FAM227B: variants seen among roughly 807,000 people sequenced by gnomAD.
FAM227B encodes protein FAM227B.
FAM227B carries 88 observed loss-of-function variants against 73.8 expected under a neutral mutation model. That is an observed-to-expected ratio of 1.19 (90% CI 1.00 to 1.42). The LOEUF (loss-of-function observed/expected upper bound fraction) is 1.42. Among genes scored for constraint, FAM227B ranks in the 40% most tolerant of loss-of-function variants. The probability of loss-of-function intolerance (pLI) is 0.00; values close to 1 mark genes in which losing one functional copy is unlikely to be tolerated. For missense variants in FAM227B, 632 were observed against 590.9 expected, an observed-to-expected ratio of 1.07 and a Z score of -0.72; for synonymous variants, 210 against 190.5, an observed-to-expected ratio of 1.10 and a Z score of -0.84.
At chr15:49,465,971 G>A (rs1268350417) in intron 11 of FAM227B, among the ~76,000 whole-genome samples, 4 of 152,176 alleles carry the variant, frequency 2.6e-5, no homozygotes, top group East Asian at 1.9e-4. Flanking sequence ...TGAAGCATAA[G>A]ATAGTCTCTT....
At chr15:49,397,112 G>A (rs902711318) in intron 11 of FAM227B, among the ~76,000 whole-genome samples, 3 of 152,108 alleles carry the variant, frequency 2.0e-5, no homozygotes, top group Non-Finnish European at 4.4e-5. Context: ...AAATTTAGAA[G>A]AATGTATAAT....
At chr15:49,617,248 C>G (rs2078347480) in intron 1 of FAM227B, among the ~76,000 whole-genome samples, 1 of 151,992 alleles carries the variant, frequency 6.6e-6, no homozygotes, top group Non-Finnish European at 1.5e-5. Context: ...GAAATCCAAA[C>G]AAGTGACTAA....
At chr15:49,395,949 G>A (rs1360308769) in intron 11 of FAM227B, 4 of 455,894 alleles carry the variant, frequency 8.8e-6, no homozygotes, top group African/African-American at 4.0e-5. Context: ...AAGAACAGAG[G>A]AGAACAAAAT....
rs575411840 is a variant in FAM227B at position 49,585,813 on chromosome 15, G to C, written c.405+2203C>G. Reference sequence around the variant, plus strand: ...CATATGTAACTAACCTGCACATTGTGCACATGTACCCTAAAACTTAAAGTA... The same window carrying C: ...CATATGTAACTAACCTGCACATTGTCCACATGTACCCTAAAACTTAAAGTA... On this transcript the variant is annotated intron_variant, in intron 5 of 15. Transcript: ENST00000299338. Among the ~76,000 whole-genome samples the C allele has an allele frequency of 2.0e-5, 3 of 152,098 alleles. No individual in the cohort carries two copies. In the South Asian group the frequency reaches 6.2e-4, roughly 32 times the overall value.
intron 11 of FAM227B, among the ~76,000 whole-genome samples, chr15:49,427,976 G>A (rs918124169): frequency 2.6e-5 from 4 of 152,088 alleles, no homozygotes; most frequent in East Asian, 1.9e-4. Flanking sequence ...CTTAATTACT[G>A]TGTTGTTTTG....
At chr15:49,376,056 C>T (rs1383507875) in intron 11 of FAM227B, among the ~76,000 whole-genome samples, 3 of 151,828 alleles carry the variant, frequency 2.0e-5, no homozygotes, top group Non-Finnish European at 2.9e-5. Flanking sequence ...ACCATGTTTC[C>T]ACAGTTCCAT....
intron 11 of FAM227B, among the ~76,000 whole-genome samples, chr15:49,413,008 C>T (rs780456902): frequency 6.6e-6 from 1 of 152,056 alleles, no homozygotes; most frequent in Non-Finnish European, 1.5e-5. Flanking sequence ...TCCCAGTCTC[C>T]CTTAGCTCAG....
intron 11 of FAM227B, among the ~76,000 whole-genome samples, chr15:49,396,821 G>T (rs1330769142): frequency 3.3e-5 from 5 of 151,550 alleles, no homozygotes; most frequent in Non-Finnish European, 5.9e-5. Flanking sequence ...AAACAGAAAG[G>T]ACATCCACAC....
chr15:49,600,779 A>G (rs763985639), intron 3 of FAM227B, among the ~76,000 whole-genome samples: 3 of 151,990 alleles, frequency 2.0e-5, no homozygotes, highest in Non-Finnish European at 4.4e-5. Flanking sequence ...GTGGTGGCTC[A>G]CACTTATAAT....
At chr15:49,541,236 C>G (rs916662904) in intron 10 of FAM227B, among the ~76,000 whole-genome samples, 1 of 151,982 alleles carries the variant, frequency 6.6e-6, no homozygotes, top group Non-Finnish European at 1.5e-5. Flanking sequence ...TCAATCCTAC[C>G]ATTTTCACCT....
At chr15:49,456,819 G>A (rs1240355634) in intron 11 of FAM227B, among the ~76,000 whole-genome samples, 2 of 152,104 alleles carry the variant, frequency 1.3e-5, no homozygotes, top group African/African-American at 4.8e-5. Flanking sequence ...ACAGAGTTGT[G>A]AGAATCAGTG....
rs147245749 is a variant in FAM227B, at chr15:49,346,167, G to A, written c.1272-10671C>T. Among the ~76,000 whole-genome samples, 145 of 151,486 alleles carry A rather than the reference G, an allele frequency of 9.6e-4. 1 individual carries two copies. In the East Asian group the frequency reaches 0.015, roughly 16 times the overall value. The stretch of plus-strand genomic sequence containing the variant: ...CATAGTTCACCAAAACAACACTTCC[G>A]TTGTTTTTCAGAAACTTGGGCCAGC... On this transcript the variant is annotated intron_variant, in intron 13 of 15. Transcript: ENST00000299338.
intron 11 of FAM227B, among the ~76,000 whole-genome samples, chr15:49,503,429 T>G (rs1276442900): frequency 6.6e-6 from 1 of 152,014 alleles, no homozygotes; most frequent in Admixed American, 6.5e-5. Flanking sequence ...ACAATTGAGA[T>G]CTAATTAAAC....
intron 3 of FAM227B, among the ~76,000 whole-genome samples, chr15:49,606,509 T>C (rs1301187548): frequency 6.6e-6 from 1 of 152,248 alleles, no homozygotes; most frequent in African/African-American, 2.4e-5. Flanking sequence ...TTCATACTAC[T>C]TGGGCTCTAA....
chr15:49,387,585 A>G (rs2046961697), intron 11 of FAM227B, among the ~76,000 whole-genome samples: 1 of 151,798 alleles, frequency 6.6e-6, no homozygotes, highest in Admixed American at 6.6e-5. Flanking sequence ...AAAGATGATC[A>G]CTTTCACCAC....
intron 11 of FAM227B, chr15:49,424,282 G>A (rs199507360): frequency 3.1e-5 from 49 of 1,599,884 alleles, no homozygotes; most frequent in East Asian, 2.5e-4. Flanking sequence ...ATGAACACCC[G>A]GAGCACTACA....
chr15:49,374,573 G>A (rs1333268665), intron 11 of FAM227B, among the ~76,000 whole-genome samples: 1 of 152,210 alleles, frequency 6.6e-6, no homozygotes, highest in African/African-American at 2.4e-5. Context: ...ATGAGTTTTT[G>A]AGACTGAGTC....
rs117320491 is a variant in FAM227B at position 49,582,889 on chromosome 15, A to G, written c.405+5127T>C. On this transcript the variant is annotated intron_variant, in intron 5 of 15. Coordinates refer to ENST00000299338, the MANE Select transcript of FAM227B (RefSeq NM_152647.3). Reference sequence around the variant, plus strand: ...ACTGAATGACTTTCAGGAAAAAAAAAAGGAATTAAGGCAGAAATCAGGAAG... The same window carrying G: ...ACTGAATGACTTTCAGGAAAAAAAAGAGGAATTAAGGCAGAAATCAGGAAG... Among the ~76,000 whole-genome samples the G allele has an allele frequency of 2.1e-3, 324 of 152,296 alleles. 9 individuals are homozygous for G. The East Asian group carries it at 0.057, about 27-fold the overall frequency.
At chr15:49,389,021 G>A (rs1583060) in intron 11 of FAM227B, among the ~76,000 whole-genome samples, 24,714 of 151,852 alleles carry the variant, frequency 0.16, 3,185 homozygotes, top group African/African-American at 0.35. Flanking sequence ...GGGAAAAAGG[G>A]AACACTTATT....
Sources: allele counts gnomAD v4.1 joint callset (sites outside exome capture counted in the v4.1 genomes callset), GRCh38; gene constraint gnomAD v4.1.1; transcripts MANE v1.5; gene names NCBI Gene and HGNC (gene_info 2026-07-23, HGNC 2026-07-21).